Variants in CTNNA3 observed in about 807,000 individuals in gnomAD.
CTNNA3 encodes the protein catenin alpha-3.
In CTNNA3, 76 loss-of-function variants were observed where a neutral mutation model predicts 95.7. The ratio of observed to expected loss-of-function variants is 0.79; its 90% CI spans 0.66 to 0.96. The LOEUF (loss-of-function observed/expected upper bound fraction) is 0.96, where lower values mean the gene tolerates loss of function less well. CTNNA3 is among the 40% of genes least tolerant of loss of function. CTNNA3 has a pLI of 0.00. For synonymous variants in CTNNA3, 431 were observed against 374.4 expected, an observed-to-expected ratio of 1.15 and a Z score of -1.74; for missense variants, 1,191 against 1,089.8, an observed-to-expected ratio of 1.09 and a Z score of -1.31.
At chr10:66,021,176 G>A (rs1366665243) in intron 15 of CTNNA3, among the ~76,000 whole-genome samples, 1 of 152,054 alleles carries the variant, frequency 6.6e-6, no homozygotes, top group Non-Finnish European at 1.5e-5. Flanking sequence ...CATATTGTTT[G>A]CACACCCCGA....
chr10:66,449,353 G>C (rs952278148), intron 11 of CTNNA3, among the ~76,000 whole-genome samples: 1 of 152,070 alleles, frequency 6.6e-6, no homozygotes, highest in Non-Finnish European at 1.5e-5. Flanking sequence ...AAAGAAACAA[G>C]ATGGGAGAAG....
intron 11 of CTNNA3, among the ~76,000 whole-genome samples, chr10:66,475,500 G>A (rs906771737): frequency 5.9e-5 from 9 of 151,850 alleles, no homozygotes; most frequent in Non-Finnish European, 1.2e-4. Context: ...CTGTGCAGAA[G>A]ATACTTAGTT....
intron 7 of CTNNA3, among the ~76,000 whole-genome samples, chr10:66,793,578 T>A (rs1841067687): frequency 6.6e-6 from 1 of 152,192 alleles, no homozygotes; most frequent in Non-Finnish European, 1.5e-5. Context: ...GTATAGGTAT[T>A]TTATCTAGTT....
At chr10:66,189,740 G>A (rs930068891) in intron 13 of CTNNA3, among the ~76,000 whole-genome samples, 3 of 151,014 alleles carry the variant, frequency 2.0e-5, no homozygotes, top group Non-Finnish European at 3.0e-5. Flanking sequence ...AATTTATACT[G>A]TATTTTTATA....
intron 11 of CTNNA3, among the ~76,000 whole-genome samples, chr10:66,407,423 G>C (rs1252547914): frequency 6.6e-6 from 1 of 151,730 alleles, no homozygotes; most frequent in African/African-American, 2.4e-5. Flanking sequence ...TAGCACCGAT[G>C]ATAATAATAA....
At chr10:66,837,041 T>A (rs1387428030) in intron 7 of CTNNA3, among the ~76,000 whole-genome samples, 1 of 152,152 alleles carries the variant, frequency 6.6e-6, no homozygotes, top group Non-Finnish European at 1.5e-5. Context: ...GCTTCAGGTC[T>A]TACTTGCTTT....
intron 5 of CTNNA3, among the ~76,000 whole-genome samples, chr10:67,444,825 C>A (rs189970867): frequency 1.3e-5 from 2 of 152,110 alleles, no homozygotes; most frequent in African/African-American, 2.4e-5. Flanking sequence ...TAGACACATA[C>A]AACCTACCAA....
chr10:67,277,668 A>C (rs571142127), intron 5 of CTNNA3, among the ~76,000 whole-genome samples: 1 of 152,262 alleles, frequency 6.6e-6, no homozygotes, highest in African/African-American at 2.4e-5. Flanking sequence ...ATTGGGGTAA[A>C]GAAGCCGGCC....
intron 3 of CTNNA3, among the ~76,000 whole-genome samples, chr10:67,540,157 A>G (rs1161782371): frequency 6.6e-6 from 1 of 152,150 alleles, no homozygotes; most frequent in African/African-American, 2.4e-5. Context: ...TTAGTCACAG[A>G]AATAGTACTT....
intron 13 of CTNNA3, among the ~76,000 whole-genome samples, chr10:66,263,346 A>C (rs550847004): frequency 1.3e-5 from 2 of 152,116 alleles, no homozygotes; most frequent in African/African-American, 4.8e-5. Context: ...AACATATTTC[A>C]ACAACAACAA....
chr10:66,367,672 A>T (rs970031402), intron 12 of CTNNA3, among the ~76,000 whole-genome samples: 3 of 149,612 alleles, frequency 2.0e-5, no homozygotes, highest in African/African-American at 7.3e-5. Context: ...GCATAAGCTG[A>T]TAGCAGTGGA....
intron 13 of CTNNA3, among the ~76,000 whole-genome samples, chr10:66,218,130 A>G (rs1316279498): frequency 1.3e-5 from 2 of 152,066 alleles, no homozygotes; most frequent in Admixed American, 6.6e-5. Flanking sequence ...TTTTCACCTA[A>G]TAAGCCTGTC....
chr10:67,283,884 T>C (rs1033850057), intron 5 of CTNNA3, among the ~76,000 whole-genome samples: 9 of 152,230 alleles, frequency 5.9e-5, no homozygotes, highest in African/African-American at 2.2e-4. Context: ...TTTCTACAGG[T>C]ATGTCCATAC....
intron 13 of CTNNA3, among the ~76,000 whole-genome samples, chr10:66,199,802 TATA>T (rs1400250685): frequency 1.2e-3 from 21 of 17,226 alleles, no homozygotes; most frequent in Non-Finnish European, 1.4e-3. Flanking sequence ...TATATATATA[TATA>T]TTTTTTTTTT....
At chr10:67,321,364 C>T (rs1841312404) in intron 5 of CTNNA3, among the ~76,000 whole-genome samples, 1 of 152,132 alleles carries the variant, frequency 6.6e-6, no homozygotes, top group South Asian at 2.1e-4. Flanking sequence ...TCTGGAATTC[C>T]CATGTCATCA....
intron 9 of CTNNA3, among the ~76,000 whole-genome samples, chr10:66,647,959 C>T (rs1183987457): frequency 2.0e-5 from 3 of 152,100 alleles, no homozygotes; most frequent in Non-Finnish European, 2.9e-5. Flanking sequence ...GTTTGGAGAG[C>T]TTAAGTTGAA....
intron 3 of CTNNA3, among the ~76,000 whole-genome samples, chr10:67,562,728 A>G (rs919779584): frequency 2.0e-4 from 31 of 152,222 alleles, no homozygotes; most frequent in African/African-American, 7.5e-4. Flanking sequence ...GTGATAGTAT[A>G]TCTAGAAAAC....
At chr10:66,531,326 T>G (rs560403050) in intron 10 of CTNNA3, among the ~76,000 whole-genome samples, 12 of 152,164 alleles carry the variant, frequency 7.9e-5, no homozygotes, top group Non-Finnish European at 1.3e-4. Context: ...TAATCTGTAA[T>G]GATCATTAAA....
chr10:67,627,392 G>A (rs1046241339), intron 2 of CTNNA3, among the ~76,000 whole-genome samples: 1 of 152,140 alleles, frequency 6.6e-6, no homozygotes, highest in African/African-American at 2.4e-5. Context: ...AGGGACCTGT[G>A]TCCAGTATCT....
Sources: gnomAD v4.1 joint callset for allele counts (sites outside exome capture counted in the v4.1 genomes callset) on GRCh38, gnomAD v4.1.1 for gene constraint, MANE v1.5 for transcripts, NCBI Gene and HGNC (gene_info 2026-07-23, HGNC 2026-07-21) for gene names.